The following CCDC178 variants were observed in gnomAD, a reference collection of about 807,000 sequenced individuals.
CCDC178 encodes the protein coiled-coil domain-containing protein 178.
In CCDC178, 126 loss-of-function variants were observed where a neutral mutation model predicts 117.4. That is an observed-to-expected ratio of 1.07 (90% CI 0.93 to 1.24). CCDC178 has a LOEUF of 1.24. Ranked by LOEUF, CCDC178 falls within the 50% of genes most tolerant of loss-of-function variation. The pLI, the probability that CCDC178 is intolerant of heterozygous loss-of-function variation, is 0.00. For synonymous variants in CCDC178, 283 were observed against 313.4 expected (o/e 0.90, Z 1.02); for missense variants, 1,030 against 986.9 (o/e 1.04, Z -0.59).
intron 21 of CCDC178, among the ~76,000 whole-genome samples, chr18:33,037,865 A>C (rs1008052557): frequency 6.6e-6 from 1 of 151,976 alleles, no homozygotes; most frequent in Non-Finnish European, 1.5e-5. Flanking sequence ...TTAAAGTAGA[A>C]TAGGAATGGG....
At chr18:33,202,836 C>T (rs1038740570) in intron 20 of CCDC178, among the ~76,000 whole-genome samples, 1 of 152,190 alleles carries the variant, frequency 6.6e-6, no homozygotes, top group Non-Finnish European at 1.5e-5. Flanking sequence ...ATATTCTTTA[C>T]CTGTATTCTC....
At chr18:33,020,370 C>T (rs1320341075) in intron 21 of CCDC178, among the ~76,000 whole-genome samples, 1 of 151,996 alleles carries the variant, frequency 6.6e-6, no homozygotes, top group Non-Finnish European at 1.5e-5. Flanking sequence ...CACATTTTTT[C>T]TTAGCTGACA....
chr18:32,969,380 C>T (rs2054878866), intron 22 of CCDC178, among the ~76,000 whole-genome samples: 1 of 152,088 alleles, frequency 6.6e-6, no homozygotes, highest in African/African-American at 2.4e-5. Context: ...ATGCACCTGG[C>T]CTGTTTAATC....
chr18:33,219,713 G>C (rs1156536261), intron 18 of CCDC178, among the ~76,000 whole-genome samples: 1 of 152,018 alleles, frequency 6.6e-6, no homozygotes, highest in South Asian at 2.1e-4. Flanking sequence ...CTCATAGGTG[G>C]GAATTGAACA....
At chr18:33,365,093 A>T (rs1487514445) in intron 6 of CCDC178, among the ~76,000 whole-genome samples, 2 of 152,100 alleles carry the variant, frequency 1.3e-5, no homozygotes. Context: ...TGATTAGGCA[A>T]GAAACTAAAG....
At chr18:33,371,101 G>A (rs1008078112) in intron 5 of CCDC178, among the ~76,000 whole-genome samples, 7 of 151,980 alleles carry the variant, frequency 4.6e-5, no homozygotes, top group African/African-American at 1.7e-4. Context: ...CCAACCCACA[G>A]AGATGGTAAA....
Position 32,998,421 on chromosome 18 carries a change from G to C in CCDC178, c.2389-23740C>G, listed in dbSNP as rs118066425. Among the ~76,000 whole-genome samples, 56 of 152,124 alleles carry C rather than the reference G, an allele frequency of 3.7e-4. 1 individual carries two copies. The East Asian group carries it at 0.011, about 29-fold the overall frequency. ...CTAGGCCATGAGGACTGTAATTCTTGAGCAACTCCTGGTGCTGTGCTCGGC... is the reference window on the plus strand; with the variant it reads ...CTAGGCCATGAGGACTGTAATTCTTCAGCAACTCCTGGTGCTGTGCTCGGC... On this transcript the variant is annotated intron_variant, in intron 21 of 22. Transcript: ENST00000383096.
At chr18:32,989,924 G>C (rs111420934) in intron 21 of CCDC178, among the ~76,000 whole-genome samples, 1 of 152,040 alleles carries the variant, frequency 6.6e-6, no homozygotes, top group African/African-American at 2.4e-5. Flanking sequence ...GAAATAATGA[G>C]AAACTTTTGA....
chr18:33,051,823 T>C (rs1259976875), intron 21 of CCDC178, among the ~76,000 whole-genome samples: 1 of 152,214 alleles, frequency 6.6e-6, no homozygotes, highest in Non-Finnish European at 1.5e-5. Context: ...ATAAAAATGC[T>C]GGTGAGGCAC....
At chr18:33,143,130 C>G (rs777258682) in intron 20 of CCDC178, among the ~76,000 whole-genome samples, 4 of 152,010 alleles carry the variant, frequency 2.6e-5, no homozygotes, top group Non-Finnish European at 5.9e-5. Flanking sequence ...TATAGAAAAC[C>G]CTTTTCCTCA....
At chr18:33,260,123 T>C (rs2144742935) in intron 14 of CCDC178, among the ~76,000 whole-genome samples, 1 of 152,126 alleles carries the variant, frequency 6.6e-6, no homozygotes, top group South Asian at 2.1e-4. Context: ...TACCACCCAA[T>C]AGGAACTGCT....
chr18:32,971,349 G>T (rs2054921473), intron 22 of CCDC178, among the ~76,000 whole-genome samples: 1 of 152,112 alleles, frequency 6.6e-6, no homozygotes, highest in South Asian at 2.1e-4. Context: ...CAAAGGACAT[G>T]ATCTCATTCT....
intron 3 of CCDC178, among the ~76,000 whole-genome samples, chr18:33,406,139 G>A (rs2063777311): frequency 6.6e-6 from 1 of 151,838 alleles, no homozygotes; most frequent in South Asian, 2.1e-4. Flanking sequence ...AGCAAATAAT[G>A]TACAAAATAC....
intron 21 of CCDC178, among the ~76,000 whole-genome samples, chr18:33,073,263 G>T (rs775096000): frequency 2.8e-4 from 43 of 151,734 alleles, no homozygotes; most frequent in Non-Finnish European, 5.4e-4. Flanking sequence ...GGATAGAAAT[G>T]ATTATAATAA....
chr18:33,050,511 A>G (rs1232121656), intron 21 of CCDC178, among the ~76,000 whole-genome samples: 3 of 152,208 alleles, frequency 2.0e-5, no homozygotes, highest in Non-Finnish European at 4.4e-5. Context: ...GGAACTCTAG[A>G]TAATATAAAG....
chr18:33,058,013 G>A (rs537636626), intron 21 of CCDC178, among the ~76,000 whole-genome samples: 1 of 152,160 alleles, frequency 6.6e-6, no homozygotes, highest in Non-Finnish European at 1.5e-5. Context: ...ATGGTGATGA[G>A]AATGTGGAGA....
chr18:33,237,463 C>T (rs940220065), intron 15 of CCDC178, among the ~76,000 whole-genome samples: 1 of 152,226 alleles, frequency 6.6e-6, no homozygotes, highest in Non-Finnish European at 1.5e-5. Flanking sequence ...TGAGAAACAG[C>T]TCCATGGGTT....
intron 21 of CCDC178, among the ~76,000 whole-genome samples, chr18:32,978,440 G>A (rs1302105512): frequency 3.3e-5 from 5 of 151,806 alleles, no homozygotes; most frequent in East Asian, 3.9e-4. Flanking sequence ...ATATCAAATA[G>A]GTATGACAAC....
At chr18:33,363,568 T>G (rs945220187) in intron 6 of CCDC178, among the ~76,000 whole-genome samples, 1 of 152,172 alleles carries the variant, frequency 6.6e-6, no homozygotes, top group South Asian at 2.1e-4. Context: ...ATTCAGAATT[T>G]TATGGATCAG....
Sources: allele counts gnomAD v4.1 joint callset (sites outside exome capture counted in the v4.1 genomes callset), GRCh38; gene constraint gnomAD v4.1.1; transcripts MANE v1.5; gene names NCBI Gene and HGNC (gene_info 2026-07-23, HGNC 2026-07-21).